SPRING1: variants seen among roughly 807,000 people sequenced by gnomAD.
SPRING1 encodes SREBP regulating gene protein.
Under a neutral mutation model 24.7 loss-of-function variants are expected in SPRING1, and 14 were observed. That is an observed-to-expected ratio of 0.57 (90% CI 0.37 to 0.88). The LOEUF is 0.88. Ranked by LOEUF, SPRING1 falls within the 40% of genes least tolerant of loss-of-function variation. The probability of loss-of-function intolerance (pLI) is 0.00; values close to 1 mark genes in which losing one functional copy is unlikely to be tolerated. For synonymous variants in SPRING1, 93 were observed against 106.1 expected (o/e 0.88, Z 0.76); for missense variants, 255 against 268.4 (o/e 0.95, Z 0.35).
At position 116,713,094 on chromosome 12, in the gene SPRING1, G is replaced by A. The variant is rs920554408; in HGVS notation, c.*4716C>T. 1.3e-5 allele frequency: 2 copies of A among 152,214 alleles called. No individual in the cohort carries two copies. Among genetic ancestry groups the A allele is most frequent in the Non-Finnish European group, 2.9e-5 (2 of 68,136 alleles). 9.4% of individuals were successfully genotyped at this position (152,214 alleles called of 1,614,324 possible). A position where few individuals can be genotyped will look rare whatever the true frequency, so the allele number is the denominator to read the frequency against. ...CAGCCAGGTAATTCTGTGTCGTGGGGGCTGTTGGGCACCATCCCTGGCCTC... is the reference window on the plus strand; with the variant it reads ...CAGCCAGGTAATTCTGTGTCGTGGGAGCTGTTGGGCACCATCCCTGGCCTC... On this transcript the variant is annotated 3_prime_UTR_variant, in exon 5 of 5. Transcript: ENST00000261318.
Position 116,720,564 on chromosome 12 carries a change from TC to T in SPRING1, c.269-118del. The T allele has an allele frequency of 7.4e-7, 1 of 1,351,648 alleles. No individual in the cohort carries two copies. The highest frequency in any genetic ancestry group is 1.0e-6 in the Non-Finnish European group (1 of 977,704). The allele number at this position is 1,351,648 out of a possible 1,614,324, so 83.7% of individuals were successfully genotyped here. The stretch of plus-strand genomic sequence containing the variant: ...ACAGAAGCTGGAGTCTGGGGCATCA[TC>T]CTAAGCACCGGAGAGCTGGAAACTG... On this transcript the variant is annotated intron_variant, in intron 2 of 4. Coordinates refer to ENST00000261318, the MANE Select transcript of SPRING1 (RefSeq NM_024738.4). The surrounding 1 kb of genome is among the most constrained non-coding windows in gnomAD (Gnocchi z 4.0).
intron 1 of SPRING1, 99 bp from the exon 2 acceptor site, chr12:116,723,322 T>C: frequency 7.2e-7 from 1 of 1,393,414 alleles, no homozygotes; most frequent in Admixed American, 2.0e-5. Context: ...ACAGAAATAC[T>C]ATAAAAGGCT....
Position 116,725,808 on chromosome 12 carries a change from C to G in SPRING1, c.112-2585G>C, listed in dbSNP as rs561451688. ...GGCTGAGGCAGGAGAATGGCATGAA[C>G]CCGGGAGGCGGAGCTTGCAGTGAGC... On this transcript the variant is annotated intron_variant, in intron 1 of 4. Coordinates refer to ENST00000261318, the MANE Select transcript of SPRING1 (RefSeq NM_024738.4). 1.6e-4 allele frequency among the ~76,000 whole-genome samples: 24 copies of G among 152,152 alleles called. 1 individual carries two copies. In the South Asian group the frequency reaches 5.0e-3, roughly 32 times the overall value.
chr12:116,736,188 A>G (rs1414901387), intron 1 of SPRING1, among the ~76,000 whole-genome samples: 1 of 151,748 alleles, frequency 6.6e-6, no homozygotes, highest in Non-Finnish European at 1.5e-5. Context: ...GGCTGTTGTT[A>G]TCAACTACTG....
chr12:116,723,874 T>C (rs563172135), intron 1 of SPRING1, among the ~76,000 whole-genome samples: 4 of 152,018 alleles, frequency 2.6e-5, no homozygotes, highest in African/African-American at 9.6e-5. Context: ...ATTGGAAGAG[T>C]TGCCCTGGAG....
chr12:116,730,739 AAT>A (rs1488609078), intron 1 of SPRING1, among the ~76,000 whole-genome samples: 2 of 152,238 alleles, frequency 1.3e-5, no homozygotes, highest in Non-Finnish European at 2.9e-5. Flanking sequence ...TACTAAAAAA[AAT>A]CACACTTGTT....
intron 1 of SPRING1, among the ~76,000 whole-genome samples, chr12:116,732,939 G>A (rs181071837): frequency 4.6e-5 from 7 of 152,256 alleles, no homozygotes; most frequent in Admixed American, 4.6e-4. Flanking sequence ...ATGGTCAAAG[G>A]ACATGATAAG....
chr12:116,737,672 G>A (rs1592928476), intron 1 of SPRING1, 118 bp downstream of exon 1: 1 of 1,184,534 alleles, frequency 8.4e-7, no homozygotes, highest in Non-Finnish European at 1.1e-6. Flanking sequence ...GGAAGGGGTA[G>A]GAAGACAGGG....
Position 116,719,895 on chromosome 12 carries a change from G to A in SPRING1, c.421-19C>T, listed in dbSNP as rs1339649332. ...GAAGTTGCTATGGAAACAAAAGTTAGTGCCTGTAATAAATTACCTAAGCCA... is the reference window on the plus strand; with the variant it reads ...GAAGTTGCTATGGAAACAAAAGTTAATGCCTGTAATAAATTACCTAAGCCA... On this transcript the variant is annotated intron_variant, in intron 3 of 4. Coordinates refer to ENST00000261318, the MANE Select transcript of SPRING1 (RefSeq NM_024738.4). 6.2e-7 allele frequency: 1 copy of A among 1,604,590 alleles called. No homozygotes were observed. Among genetic ancestry groups the A allele is most frequent in the Non-Finnish European group, 8.5e-7 (1 of 1,171,384 alleles).
In SPRING1 at chr12:116,717,636, C is replaced by T. The variant is rs998913924; in HGVS notation, c.*174G>A. 32 of 566,738 alleles carry T rather than the reference C, an allele frequency of 5.6e-5. No individual in the cohort carries two copies. The highest frequency in any genetic ancestry group is 8.3e-5 in the Non-Finnish European group (27 of 323,454). 35.1% of individuals were successfully genotyped at this position (566,738 alleles called of 1,614,324 possible). On this transcript the variant is annotated 3_prime_UTR_variant, in exon 5 of 5. Transcript: ENST00000261318. The surrounding 1 kb of genome is among the most constrained non-coding windows in gnomAD (Gnocchi z 4.2). ...ACAGAAGAGTTCCATCTGGTAAGCC[C>T]GGGTGGTGAGCGAAGCCAAAGATGA...
At position 116,714,794 on chromosome 12, in the gene SPRING1, C is replaced by CAAAA. The variant is rs869130716; in HGVS notation, c.*3012_*3015dup. On this transcript the variant is annotated 3_prime_UTR_variant, in exon 5 of 5. Transcript: ENST00000261318. The stretch of plus-strand genomic sequence containing the variant: ...TGAGCAACAGAGCAAGACTCCATCG[C>CAAAA]AAAAAAAAAAAAAAAAAAAAAAGGC... 9 of 55,150 alleles carry CAAAA rather than the reference C, an allele frequency of 1.6e-4. No individual in the cohort carries two copies. The highest frequency in any genetic ancestry group is 8.1e-4 in the South Asian group (1 of 1,230). The allele number at this position is 55,150 out of a possible 1,614,324, so 3.4% of individuals were successfully genotyped here.
intron 1 of SPRING1, among the ~76,000 whole-genome samples, chr12:116,734,784 C>T (rs768015771): frequency 5.9e-5 from 9 of 152,196 alleles, no homozygotes; most frequent in Non-Finnish European, 8.8e-5. Flanking sequence ...GTAATTTACA[C>T]CGTGTCACCA....
intron 1 of SPRING1, among the ~76,000 whole-genome samples, chr12:116,730,671 G>T (rs339455): frequency 1.3e-5 from 2 of 152,184 alleles, no homozygotes; most frequent in Non-Finnish European, 2.9e-5. Flanking sequence ...ATGAGTCTGT[G>T]TTGCACATTG....
In SPRING1 at chr12:116,713,714, A is replaced by G. The variant is rs1436645214; in HGVS notation, c.*4096T>C. On this transcript the variant is annotated 3_prime_UTR_variant, in exon 5 of 5. Transcript: ENST00000261318. Reference sequence around the variant, plus strand: ...CAGGGAATTAATAATATTATTGTATATTCATGAAATTGACACCATGTGGCC... The same window carrying G: ...CAGGGAATTAATAATATTATTGTATGTTCATGAAATTGACACCATGTGGCC... 1 of 152,232 alleles carries G rather than the reference A, an allele frequency of 6.6e-6. No homozygotes were observed. The highest frequency in any genetic ancestry group is 1.5e-5 in the Non-Finnish European group (1 of 68,042). The allele number at this position is 152,232 out of a possible 1,614,324, so 9.4% of individuals were successfully genotyped here.
Position 116,717,620 on chromosome 12 carries a change from T to G in SPRING1, c.*190A>C. 1.9e-6 allele frequency: 1 copy of G among 514,742 alleles called. No homozygotes were observed. Among genetic ancestry groups the G allele is most frequent in the Non-Finnish European group, 3.4e-6 (1 of 290,870 alleles). The allele number at this position is 514,742 out of a possible 1,614,324, so 31.9% of individuals were successfully genotyped here. ...GGGGCCAAGCTGCTTTACAGAAGAG[T>G]TCCATCTGGTAAGCCCGGGTGGTGA... On this transcript the variant is annotated 3_prime_UTR_variant, in exon 5 of 5. Coordinates refer to ENST00000261318, the MANE Select transcript of SPRING1 (RefSeq NM_024738.4). The surrounding 1 kb of genome is among the most constrained non-coding windows in gnomAD (Gnocchi z 4.2).
At chr12:116,737,279 A>T (rs114902422) in intron 1 of SPRING1, among the ~76,000 whole-genome samples, 7,002 of 152,234 alleles carry the variant, frequency 0.046, 173 homozygotes, top group Non-Finnish European at 0.054. Context: ...GCGCCGCTGC[A>T]GAAGTCGGGA....
At chr12:116,732,327 G>A (rs1415339816) in intron 1 of SPRING1, among the ~76,000 whole-genome samples, 1 of 152,194 alleles carries the variant, frequency 6.6e-6, no homozygotes, top group Non-Finnish European at 1.5e-5. Context: ...TGTAATCCCA[G>A]CACTTTGGGA....
intron 1 of SPRING1, among the ~76,000 whole-genome samples, chr12:116,731,591 A>C (rs111511349): frequency 6.6e-6 from 1 of 152,056 alleles, no homozygotes; most frequent in Non-Finnish European, 1.5e-5. Flanking sequence ...CAAAAAAATA[A>C]ATTAATTAAT....
rs1030524353 is a variant in SPRING1, at chr12:116,738,001, G to A, written c.-101C>T. 2.6e-5 allele frequency: 30 copies of A among 1,141,010 alleles called. No individual in the cohort carries two copies. The highest frequency in any genetic ancestry group is 9.8e-5 in the East Asian group (2 of 20,376). The allele number at this position is 1,141,010 out of a possible 1,614,324, so 70.7% of individuals were successfully genotyped here. A position where few individuals can be genotyped will look rare whatever the true frequency, so the allele number is the denominator to read the frequency against. ...CGCGCCCGGCAGCCCCATCCCTCCA[G>A]GCAGGCGCCGGCCCCGCCGCCCGCA... On this transcript the variant is annotated 5_prime_UTR_variant, in exon 1 of 5. Coordinates refer to ENST00000261318, the MANE Select transcript of SPRING1 (RefSeq NM_024738.4).
Sources: gnomAD v4.1 joint callset for allele counts (sites outside exome capture counted in the v4.1 genomes callset) on GRCh38, gnomAD v4.1.1 for gene constraint, Gnocchi (gnomAD v3.1) non-coding constraint, MANE v1.5 for transcripts, NCBI Gene and HGNC (gene_info 2026-07-23, HGNC 2026-07-21) for gene names.